FRMD4A: variants seen among roughly 807,000 people sequenced by gnomAD.
The protein encoded by FRMD4A is FERM domain-containing protein 4A.
Under a neutral mutation model 129.1 loss-of-function variants are expected in FRMD4A, and 29 were observed. The ratio of observed to expected loss-of-function variants is 0.22; its 90% confidence interval spans 0.17 to 0.31. The LOEUF (loss-of-function observed/expected upper bound fraction) is 0.31, where lower values mean the gene tolerates loss of function less well. Ranked by LOEUF, FRMD4A falls within the 10% of genes least tolerant of loss-of-function variation. FRMD4A has a pLI of 1.00. For synonymous variants in FRMD4A, 634 were observed against 571.6 expected (o/e 1.11, Z -1.56); for missense variants, 1,272 against 1,375.8 (o/e 0.92, Z 1.19).
intron 4 of FRMD4A, among the ~76,000 whole-genome samples, chr10:13,805,099 G>A (rs112210847): frequency 1.8e-3 from 274 of 152,132 alleles, no homozygotes; most frequent in African/African-American, 5.8e-3. Context: ...TCTCAAAGGC[G>A]GTGTGATGAA....
chr10:14,103,598 G>T (rs549899230), intron 2 of FRMD4A, among the ~76,000 whole-genome samples: 1 of 152,172 alleles, frequency 6.6e-6, no homozygotes, highest in African/African-American at 2.4e-5. Flanking sequence ...AGTACATCTA[G>T]TAAGCATTAG....
At chr10:13,794,774 G>A (rs2093078053) in intron 5 of FRMD4A, among the ~76,000 whole-genome samples, 1 of 152,174 alleles carries the variant, frequency 6.6e-6, no homozygotes, top group South Asian at 2.1e-4. Flanking sequence ...CAATGGTGAT[G>A]GTGGAAGCGT....
intron 2 of FRMD4A, among the ~76,000 whole-genome samples, chr10:14,261,065 T>C (rs1844784172): frequency 1.3e-5 from 2 of 152,222 alleles, no homozygotes; most frequent in South Asian, 4.2e-4. Context: ...AATAAACATA[T>C]GGGACTGAGA....
chr10:13,842,245 GTCT>G (rs1205304722), intron 3 of FRMD4A, among the ~76,000 whole-genome samples: 1 of 152,172 alleles, frequency 6.6e-6, no homozygotes, highest in Admixed American at 6.5e-5. Context: ...TCTCCTTCCT[GTCT>G]TCTGAGTGTC....
At chr10:13,932,934 G>A (rs894436478) in intron 2 of FRMD4A, among the ~76,000 whole-genome samples, 1 of 152,156 alleles carries the variant, frequency 6.6e-6, no homozygotes, top group Non-Finnish European at 1.5e-5. Context: ...GCTGAGGCGG[G>A]TGGATCACCT....
chr10:14,219,209 A>C (rs1331963415), intron 2 of FRMD4A, among the ~76,000 whole-genome samples: 1 of 152,128 alleles, frequency 6.6e-6, no homozygotes, highest in African/African-American at 2.4e-5. Flanking sequence ...CTGTCCAAGC[A>C]CTAGGGTAGG....
At position 13,656,703 on chromosome 10, in the gene FRMD4A, GGAGGTGCTGTACTGC is replaced by G; in HGVS notation, c.2871_2885del (p.Gln958_Ser962del). The G allele has an allele frequency of 6.3e-7, 1 of 1,576,388 alleles. No homozygotes were observed. Among genetic ancestry groups the G allele is most frequent in the Non-Finnish European group, 8.6e-7 (1 of 1,161,926 alleles). Reference sequence around the variant, plus strand: ...TGTGCGCCACGAAGGTGCTCTGGGAGGAGGTGCTGTACTGCGAGCCGCTGTCCGAGGAGGTGGAGC... The same window carrying G: ...TGTGCGCCACGAAGGTGCTCTGGGAGGAGCCGCTGTCCGAGGAGGTGGAGC... On this transcript the variant is annotated inframe_deletion, in exon 22 of 25. Transcript: ENST00000357447.
intron 15 of FRMD4A, among the ~76,000 whole-genome samples, chr10:13,686,341 A>C (rs2085080332): frequency 6.6e-6 from 1 of 152,240 alleles, no homozygotes; most frequent in Non-Finnish European, 1.5e-5. Flanking sequence ...GTGAATTCTG[A>C]GCTGAACACA....
At chr10:13,917,838 G>A (rs2095027558) in intron 2 of FRMD4A, among the ~76,000 whole-genome samples, 1 of 152,194 alleles carries the variant, frequency 6.6e-6, no homozygotes, top group South Asian at 2.1e-4. Context: ...CAAGGTGCAT[G>A]GCCTTGGGTG....
At chr10:13,995,319 C>G (rs2095618518) in intron 2 of FRMD4A, among the ~76,000 whole-genome samples, 1 of 152,150 alleles carries the variant, frequency 6.6e-6, no homozygotes, top group Non-Finnish European at 1.5e-5. Flanking sequence ...CGTGGTGGAT[C>G]ACACCTGTAA....
chr10:13,858,849 G>A lies in FRMD4A; in HGVS notation c.109C>T (p.Gln37Ter), dbSNP rs1373440340. The A allele has an allele frequency of 1.9e-6, 3 of 1,583,886 alleles. No homozygotes were observed. Among genetic ancestry groups the A allele is most frequent in the Non-Finnish European group, 1.7e-6 (2 of 1,152,394 alleles). Residue 37 changes from glutamine (Q) to a stop codon, truncating the protein, a stop_gained and splice_region_variant, in exon 3 of 25, where the codon CAG (glutamine) becomes TAG (stop). Coordinates refer to ENST00000357447, the MANE Select transcript of FRMD4A (RefSeq NM_018027.5). LOFTEE classifies it high-confidence loss of function. ...AAAGTTGACCAAAAGCGATTTACCTGTACTAGGAGTTCCAGCTTCCTGTCA... is the reference window on the plus strand; with the variant it reads ...AAAGTTGACCAAAAGCGATTTACCTATACTAGGAGTTCCAGCTTCCTGTCA... Reference protein sequence around the residue: ...LDDRKLELLVQPKLLAKELLD... With the variant: ...LDDRKLELLV
chr10:14,185,986 C>CA (rs1347948631), intron 2 of FRMD4A, among the ~76,000 whole-genome samples: 3 of 152,140 alleles, frequency 2.0e-5, no homozygotes, highest in Non-Finnish European at 2.9e-5. Flanking sequence ...GCCAGAGGAT[C>CA]AACTGTGCAG....
chr10:14,100,602 C>T (rs962688561), intron 2 of FRMD4A, among the ~76,000 whole-genome samples: 9 of 151,876 alleles, frequency 5.9e-5, no homozygotes, highest in East Asian at 1.9e-4. Context: ...ATATACTTGC[C>T]GGCCTTAGGA....
chr10:13,728,193 G>T (rs573236066), intron 12 of FRMD4A, among the ~76,000 whole-genome samples: 2 of 152,288 alleles, frequency 1.3e-5, no homozygotes, highest in South Asian at 4.1e-4. Flanking sequence ...TGTTTGTTTA[G>T]TGCTTTAGTT....
intron 2 of FRMD4A, among the ~76,000 whole-genome samples, chr10:13,975,767 G>GTC (rs915587002): frequency 6.6e-6 from 1 of 151,718 alleles, no homozygotes; most frequent in African/African-American, 2.4e-5. Context: ...CTATGTGTGT[G>GTC]TGTACACACC....
At position 13,695,496 on chromosome 10, in the gene FRMD4A, T is replaced by C. The variant is rs188463400; in HGVS notation, c.976-1457A>G. On this transcript the variant is annotated intron_variant, in intron 14 of 24. Transcript: ENST00000357447. Reference sequence around the variant, plus strand: ...CAGTTTCTACCTTCGGTAGTGACAATGTGTTTGTTTGCATTTCCCACACGT... The same window carrying C: ...CAGTTTCTACCTTCGGTAGTGACAACGTGTTTGTTTGCATTTCCCACACGT... 3.1e-3 allele frequency among the ~76,000 whole-genome samples: 477 copies of C among 152,308 alleles called. 1 individual carries two copies. Among genetic ancestry groups the C allele is most frequent in the African/African-American group, 0.011 (441 of 41,572 alleles).
At chr10:14,083,939 A>C (rs1283052978) in intron 2 of FRMD4A, 1 of 152,230 alleles carries the variant, frequency 6.6e-6, no homozygotes, top group Non-Finnish European at 1.5e-5. Flanking sequence ...GCCATGATTC[A>C]AGCCCTGGAG....
At chr10:13,953,758 A>G (rs1050086272) in intron 2 of FRMD4A, among the ~76,000 whole-genome samples, 5 of 152,246 alleles carry the variant, frequency 3.3e-5, no homozygotes, top group Non-Finnish European at 7.3e-5. Context: ...TGCCTAATTT[A>G]TAAATGAAAC....
chr10:14,282,071 C>A (rs1720179486), intron 2 of FRMD4A, among the ~76,000 whole-genome samples: 1 of 152,092 alleles, frequency 6.6e-6, no homozygotes, highest in Admixed American at 6.5e-5. Context: ...GAATGAGAAC[C>A]AAGCAAAAGG....
Sources: gnomAD v4.1 joint callset for allele counts (sites outside exome capture counted in the v4.1 genomes callset) on GRCh38, gnomAD v4.1.1 for gene constraint, MANE v1.5 for transcripts, NCBI Gene and HGNC (gene_info 2026-07-23, HGNC 2026-07-21) for gene names.